Variants in MTOR observed in about 807,000 individuals in gnomAD.
MTOR encodes the protein mechanistic target of rapamycin kinase, also known as serine/threonine-protein kinase mTOR.
MTOR carries 70 observed loss-of-function variants against 319.8 expected under a neutral mutation model. The observed-to-expected ratio is 0.22, with a 90% CI of 0.18 to 0.27. MTOR has a LOEUF of 0.27. Among genes scored for constraint, MTOR ranks in the 10% least tolerant of loss-of-function variants. The pLI is 1.00. For synonymous variants in MTOR, 1,183 were observed against 1,211.4 expected (o/e 0.98, Z 0.49); for missense variants, 1,890 against 3,274.4 (o/e 0.58, Z 10.32).
chr1:11,173,483 G>C (rs192921665), intron 28 of MTOR, among the ~76,000 whole-genome samples: 5 of 150,160 alleles, frequency 3.3e-5, no homozygotes, highest in Non-Finnish European at 5.9e-5. Flanking sequence ...AAGTTTTGCC[G>C]TGTTGCCCAG....
chr1:11,163,082 G>A (rs896246056), intron 29 of MTOR, among the ~76,000 whole-genome samples: 5 of 152,206 alleles, frequency 3.3e-5, no homozygotes, highest in Non-Finnish European at 7.4e-5. Flanking sequence ...ATAAAGGGAT[G>A]GAGGAAGATC....
intron 20 of MTOR, among the ~76,000 whole-genome samples, chr1:11,214,370 C>T (rs1256471277): frequency 1.3e-5 from 2 of 152,254 alleles, no homozygotes; most frequent in Admixed American, 1.3e-4. Context: ...GGCCACAGAT[C>T]CTGCCTCAGT....
At chr1:11,209,276 C>T in intron 25 of MTOR, 36 bp downstream of exon 25, 2 of 1,613,750 alleles carry the variant, frequency 1.2e-6, no homozygotes, top group South Asian at 2.2e-5. Flanking sequence ...AAGAGCAGAG[C>T]TCTCCTTTCC....
At chr1:11,183,395 G>C (rs1571093464) in intron 28 of MTOR, among the ~76,000 whole-genome samples, 1 of 152,166 alleles carries the variant, frequency 6.6e-6, no homozygotes, top group East Asian at 1.9e-4. Context: ...AACCTCCCGA[G>C]TAGCTCAGAC....
Position 11,199,231 on chromosome 1 carries a change from A to T in MTOR, c.4253+27T>A. 1.2e-6 allele frequency: 2 copies of T among 1,614,138 alleles called. No individual in the cohort carries two copies. The highest frequency in any genetic ancestry group is 1.7e-6 in the Non-Finnish European group (2 of 1,179,972). On this transcript the variant is annotated intron_variant, in intron 28 of 57. Coordinates refer to ENST00000361445, the MANE Select transcript of MTOR (RefSeq NM_004958.4). This position sits in a 1 kb window ranked among gnomAD's most constrained non-coding sequence, Gnocchi z 4.5. ...AAGAGAGGTCATTTTGCATGAAGGC[A>T]GCAATTAAAAAGGGTTTATGGCCTA...
In MTOR at chr1:11,199,477, C is replaced by T. The variant is rs2100744979; in HGVS notation, c.4107+64G>A. On this transcript the variant is annotated intron_variant, in intron 27 of 57. Transcript: ENST00000361445. This position sits in a 1 kb window ranked among gnomAD's most constrained non-coding sequence, Gnocchi z 4.5. ...CAAACAAGAGAAGGCTGTGTGGATG[C>T]TTCTCTCCTCCCACCAGCTGGTTCC... The T allele has an allele frequency of 1.2e-6, 2 of 1,613,482 alleles. No individual in the cohort carries two copies. Among genetic ancestry groups the T allele is most frequent in the Non-Finnish European group, 1.7e-6 (2 of 1,179,422 alleles).
intron 1 of MTOR, among the ~76,000 whole-genome samples, chr1:11,261,782 T>C (rs771109108): frequency 1.1e-4 from 16 of 152,074 alleles, no homozygotes; most frequent in Non-Finnish European, 2.1e-4. Context: ...TGTGTGTATG[T>C]GTGTGCGTCC....
intron 28 of MTOR, chr1:11,194,708 A>T: frequency 6.2e-7 from 1 of 1,611,874 alleles, no homozygotes; most frequent in Non-Finnish European, 8.5e-7. Context: ...CAAGCTCATA[A>T]TCCCACTTGA....
intron 23 of MTOR, among the ~76,000 whole-genome samples, chr1:11,211,229 T>C (rs1321624491): frequency 2.0e-5 from 3 of 152,236 alleles, no homozygotes; most frequent in Non-Finnish European, 4.4e-5. Context: ...CACCAAAAAC[T>C]TCCAGTCTTG....
intron 19 of MTOR, among the ~76,000 whole-genome samples, chr1:11,225,636 G>A (rs866796365): frequency 2.8e-4 from 42 of 152,202 alleles, no homozygotes; most frequent in Non-Finnish European, 5.1e-4. Flanking sequence ...TGGCCAGGCT[G>A]GAGTTGAACT....
rs1038077651 is a variant in MTOR, at chr1:11,199,047, G to C, written c.4253+211C>G. On this transcript the variant is annotated intron_variant, in intron 28 of 57. Transcript: ENST00000361445. The surrounding 1 kb of genome is among the most constrained non-coding windows in gnomAD (Gnocchi z 4.5). ...CAGGTTGGAAAACAACAGGAGCCCA[G>C]GTGATAAGGGTCAACAGAAATGACA... Among the ~76,000 whole-genome samples the C allele has an allele frequency of 6.6e-6, 1 of 152,200 alleles. No homozygotes were observed. Among genetic ancestry groups the C allele is most frequent in the African/African-American group, 2.4e-5 (1 of 41,444 alleles).
chr1:11,116,697 C>T (rs1178399851), intron 50 of MTOR, among the ~76,000 whole-genome samples: 1 of 152,150 alleles, frequency 6.6e-6, no homozygotes, highest in Non-Finnish European at 1.5e-5. Flanking sequence ...TGGGGTCTTG[C>T]TATTGCCCAA....
At chr1:11,217,340 G>A (rs1646501851) in intron 19 of MTOR, among the ~76,000 whole-genome samples, 1 of 151,964 alleles carries the variant, frequency 6.6e-6, no homozygotes, top group Admixed American at 6.6e-5. Context: ...ATGAGCTTCA[G>A]ATAGTATTAC....
At chr1:11,237,039 T>G (rs1332706829) in intron 13 of MTOR, among the ~76,000 whole-genome samples, 3 of 152,346 alleles carry the variant, frequency 2.0e-5, no homozygotes, top group Middle Eastern at 3.4e-3. Flanking sequence ...ATTAATGATT[T>G]TCTATGTTTA....
chr1:11,219,173 C>T (rs1268956231), intron 19 of MTOR, among the ~76,000 whole-genome samples: 1 of 151,560 alleles, frequency 6.6e-6, no homozygotes, highest in Non-Finnish European at 1.5e-5. Flanking sequence ...GAGATCATGT[C>T]ACTGCGCTCC....
chr1:11,208,167 T>A (rs1646199798), intron 25 of MTOR, among the ~76,000 whole-genome samples: 1 of 152,202 alleles, frequency 6.6e-6, no homozygotes, highest in Non-Finnish European at 1.5e-5. Context: ...AATGATTACC[T>A]GGGAATGCCA....
At chr1:11,155,581 G>A (rs976521358) in intron 30 of MTOR, among the ~76,000 whole-genome samples, 1 of 152,100 alleles carries the variant, frequency 6.6e-6, no homozygotes, top group Non-Finnish European at 1.5e-5. Context: ...TGAAGACAGG[G>A]GGTCACAGAG....
chr1:11,148,071 A>G (rs998246104), intron 31 of MTOR, among the ~76,000 whole-genome samples: 8 of 152,218 alleles, frequency 5.3e-5, no homozygotes, highest in East Asian at 1.9e-4. Context: ...CTTCTAAAAT[A>G]TAAGTTAAGA....
At chr1:11,126,989 C>T (rs2100400440) in intron 45 of MTOR, 21 bp downstream of exon 45, 1 of 1,613,656 alleles carries the variant, frequency 6.2e-7, no homozygotes, top group Non-Finnish European at 8.5e-7. Context: ...GTTAACCCTG[C>T]CAGGAGCCTG....
Sources: gnomAD v4.1 joint callset for allele counts (sites outside exome capture counted in the v4.1 genomes callset) on GRCh38, gnomAD v4.1.1 for gene constraint, Gnocchi (gnomAD v3.1) non-coding constraint, MANE v1.5 for transcripts, NCBI Gene and HGNC (gene_info 2026-07-23, HGNC 2026-07-21) for gene names.